Variants in CSMD1 observed in about 807,000 individuals in gnomAD.
The protein encoded by CSMD1 is CUB and Sushi multiple domains 1, also known as CUB and sushi domain-containing protein 1.
A neutral mutation model predicts 417.5 loss-of-function variants in CSMD1; 213 were observed. The ratio of observed to expected loss-of-function variants is 0.51; its 90% confidence interval spans 0.46 to 0.57. The LOEUF is 0.57. Among genes scored for constraint, CSMD1 ranks in the 20% least tolerant of loss-of-function variants. The pLI, the probability that CSMD1 is intolerant of heterozygous loss-of-function variation, is 0.00. For missense variants in CSMD1, 6,923 were observed against 4,529.7 expected (o/e 1.53, Z -15.17); for synonymous variants, 2,862 against 1,736.8 (o/e 1.65, Z -16.11).
chr8:4,133,377 C>T (rs972839504), intron 3 of CSMD1, among the ~76,000 whole-genome samples: 1 of 152,186 alleles, frequency 6.6e-6, no homozygotes, highest in Non-Finnish European at 1.5e-5. Context: ...TAAAGTGACA[C>T]TTTATAACAT....
chr8:4,287,963 A>T (rs1797153770), intron 3 of CSMD1, among the ~76,000 whole-genome samples: 2 of 152,248 alleles, frequency 1.3e-5, no homozygotes, highest in South Asian at 4.1e-4. Flanking sequence ...AGCAAATCCC[A>T]AGACAATATG....
chr8:4,537,438 T>C (rs956064103), intron 2 of CSMD1, among the ~76,000 whole-genome samples: 1 of 152,208 alleles, frequency 6.6e-6, no homozygotes, highest in Admixed American at 6.5e-5. Context: ...TTATTGTTAT[T>C]GTTATTAAAA....
At chr8:4,252,708 G>A (rs1053675225) in intron 3 of CSMD1, among the ~76,000 whole-genome samples, 1 of 152,182 alleles carries the variant, frequency 6.6e-6, no homozygotes, top group Non-Finnish European at 1.5e-5. Context: ...ATATCTCATT[G>A]GTTGTATTGG....
intron 7 of CSMD1, among the ~76,000 whole-genome samples, chr8:3,698,524 G>A (rs560215939): frequency 2.0e-5 from 3 of 152,326 alleles, no homozygotes; most frequent in South Asian, 2.1e-4. Context: ...TCTGGCACAC[G>A]GATTAGCAGG....
chr8:3,826,086 C>T (rs1802039254), intron 5 of CSMD1, among the ~76,000 whole-genome samples: 1 of 152,092 alleles, frequency 6.6e-6, no homozygotes, highest in South Asian at 2.1e-4. Context: ...CCAAGCTATA[C>T]ACAACTATGC....
rs182706887 is a variant in CSMD1 at position 4,214,147 on chromosome 8, G to C, written c.416-182048C>G. Among the ~76,000 whole-genome samples the C allele has an allele frequency of 3.3e-5, 5 of 152,166 alleles. No individual in the cohort carries two copies. In the East Asian group the frequency reaches 7.7e-4, roughly 24 times the overall value. ...TTGTTTTGTTTTGGCTTAGTTCTTG[G>C]ATCTCTACTTTGTATTTTAATTTAG... On this transcript the variant is annotated intron_variant, in intron 3 of 69. Coordinates refer to ENST00000635120, the MANE Select transcript of CSMD1 (RefSeq NM_033225.6).
intron 26 of CSMD1, among the ~76,000 whole-genome samples, chr8:3,238,534 T>A (rs13277198): frequency 0.28 from 42,127 of 151,920 alleles, 6,525 homozygotes; most frequent in Admixed American, 0.36. Flanking sequence ...GGAGCGAGAC[T>A]ACGGGCAGCA....
chr8:3,906,681 C>G (rs920228162), intron 5 of CSMD1, among the ~76,000 whole-genome samples: 8 of 149,314 alleles, frequency 5.4e-5, no homozygotes, highest in Non-Finnish European at 1.0e-4. Context: ...GAGAAAATAA[C>G]TATGTTTTAT....
chr8:3,961,298 T>C (rs1017302763), intron 5 of CSMD1, among the ~76,000 whole-genome samples: 2 of 152,206 alleles, frequency 1.3e-5, no homozygotes, highest in Admixed American at 1.3e-4. Flanking sequence ...AAAAGTTATA[T>C]GAGCATAAAA....
intron 27 of CSMD1, among the ~76,000 whole-genome samples, chr8:3,227,371 C>G (rs561039462): frequency 6.6e-6 from 1 of 152,194 alleles, no homozygotes; most frequent in East Asian, 1.9e-4. Context: ...GCACTCCAGC[C>G]TCGGCAACTG....
intron 25 of CSMD1, among the ~76,000 whole-genome samples, chr8:3,293,644 C>G (rs1173961487): frequency 3.9e-5 from 6 of 152,184 alleles, no homozygotes; most frequent in African/African-American, 1.4e-4. Flanking sequence ...GTGCATTTGT[C>G]ACGTAGTCCT....
chr8:4,869,930 T>C (rs1189438373), intron 1 of CSMD1, among the ~76,000 whole-genome samples: 2 of 152,092 alleles, frequency 1.3e-5, no homozygotes, highest in East Asian at 1.9e-4. Context: ...TGGTCTCTTA[T>C]ATTGTCCTAA....
intron 41 of CSMD1, among the ~76,000 whole-genome samples, chr8:3,140,147 G>C (rs1818347453): frequency 6.6e-6 from 1 of 152,034 alleles, no homozygotes; most frequent in South Asian, 2.1e-4. Context: ...CAGGTGATCA[G>C]CCCGCCTCTG....
intron 5 of CSMD1, among the ~76,000 whole-genome samples, chr8:3,895,319 T>C (rs1415793459): frequency 1.3e-5 from 2 of 152,168 alleles, no homozygotes; most frequent in East Asian, 1.9e-4. Flanking sequence ...TTTATTAACA[T>C]AGATTTATGT....
At chr8:4,629,692 A>C (rs1432995901) in intron 2 of CSMD1, among the ~76,000 whole-genome samples, 1 of 152,190 alleles carries the variant, frequency 6.6e-6, no homozygotes, top group Non-Finnish European at 1.5e-5. Flanking sequence ...TTCCATATTA[A>C]TATTTACATT....
At chr8:4,969,743 C>T (rs1423542918) in intron 1 of CSMD1, among the ~76,000 whole-genome samples, 1 of 151,982 alleles carries the variant, frequency 6.6e-6, no homozygotes, top group East Asian at 1.9e-4. Flanking sequence ...GCACTATGCT[C>T]CACTGTTTTG....
At chr8:3,994,601 A>G (rs1038273610) in intron 5 of CSMD1, among the ~76,000 whole-genome samples, 5 of 152,148 alleles carry the variant, frequency 3.3e-5, no homozygotes, top group Admixed American at 6.5e-5. Context: ...GCCAACCTGC[A>G]TGAAATTAGA....
intron 4 of CSMD1, among the ~76,000 whole-genome samples, chr8:4,016,991 A>G (rs995429736): frequency 2.6e-5 from 4 of 152,218 alleles, no homozygotes; most frequent in African/African-American, 4.8e-5. Flanking sequence ...TGAAATCACA[A>G]TAACAGAAAT....
At chr8:4,096,056 G>GTGT (rs143983495) in intron 3 of CSMD1, among the ~76,000 whole-genome samples, 1 of 151,764 alleles carries the variant, frequency 6.6e-6, no homozygotes, top group Non-Finnish European at 1.5e-5. Flanking sequence ...TTTTGTTCTT[G>GTGT]TAACTACAGT....
Sources: gnomAD v4.1 joint callset for allele counts (sites outside exome capture counted in the v4.1 genomes callset) on GRCh38, gnomAD v4.1.1 for gene constraint, MANE v1.5 for transcripts, NCBI Gene and HGNC (gene_info 2026-07-23, HGNC 2026-07-21) for gene names.